The following FRS2 variants were observed in gnomAD, a reference collection of about 807,000 sequenced individuals.
The protein encoded by FRS2 is fibroblast growth factor receptor substrate 2, also known as FGFR signalling adaptor.
In FRS2, 8 loss-of-function variants were observed where a neutral mutation model predicts 43.9. The observed-to-expected ratio is 0.18, with a 90% confidence interval of 0.11 to 0.33. The LOEUF (loss-of-function observed/expected upper bound fraction) is 0.33, where lower values mean the gene tolerates loss of function less well. Among genes scored for constraint, FRS2 ranks in the 10% least tolerant of loss-of-function variants. The pLI is 1.00. For missense variants in FRS2, 534 were observed against 627.6 expected (o/e 0.85, Z 1.59); for synonymous variants, 219 against 220.3 (o/e 0.99, Z 0.05).
intron 1 of FRS2, among the ~76,000 whole-genome samples, chr12:69,522,980 C>T (rs1875840281): frequency 6.6e-6 from 1 of 152,118 alleles, no homozygotes; most frequent in Admixed American, 6.5e-5. Flanking sequence ...TTTGCATTTG[C>T]TAAGGATTGT....
Position 69,482,085 on chromosome 12 carries a change from T to G in FRS2, c.-261+11555T>G, listed in dbSNP as rs139624319. 5.5e-3 allele frequency among the ~76,000 whole-genome samples: 831 copies of G among 151,902 alleles called. 7 individuals are homozygous for G. Among genetic ancestry groups the G allele is most frequent in the Non-Finnish European group, 9.6e-3 (651 of 67,968 alleles). ...TTTCTATATATATGTGTATAATGTA[T>G]AAGTATATATAATTGTATATGTATA... On this transcript the variant is annotated intron_variant, in intron 1 of 8. Coordinates refer to ENST00000549921, the MANE Select transcript of FRS2 (RefSeq NM_001278356.2).
At chr12:69,504,098 G>A (rs1873711044) in intron 1 of FRS2, among the ~76,000 whole-genome samples, 1 of 152,208 alleles carries the variant, frequency 6.6e-6, no homozygotes, top group Non-Finnish European at 1.5e-5. Flanking sequence ...AAGGTGCTAA[G>A]TATTCAACAG....
intron 1 of FRS2, among the ~76,000 whole-genome samples, chr12:69,527,444 A>G (rs542108976): frequency 6.9e-6 from 1 of 145,478 alleles, no homozygotes; most frequent in East Asian, 2.1e-4. Flanking sequence ...TCAGCCTCCC[A>G]AGTAACTGGG....
chr12:69,568,279 ATT>A (rs1208822541), intron 4 of FRS2, among the ~76,000 whole-genome samples: 1 of 152,152 alleles, frequency 6.6e-6, no homozygotes, highest in Non-Finnish European at 1.5e-5. Context: ...TCGAAATTTG[ATT>A]TTGTTTTAAT....
rs1565792022 is a variant in FRS2 at position 69,578,171 on chromosome 12, A to G, written c.*3216A>G. ...AATTCCCCCGTGCTATTCCTAACCTATAATGCCCAAATGTTTTGTGCAATG... is the reference window on the plus strand; with the variant it reads ...AATTCCCCCGTGCTATTCCTAACCTGTAATGCCCAAATGTTTTGTGCAATG... On this transcript the variant is annotated 3_prime_UTR_variant, in exon 9 of 9. Coordinates refer to ENST00000549921, the MANE Select transcript of FRS2 (RefSeq NM_001278356.2). 1.3e-5 allele frequency: 2 copies of G among 152,626 alleles called. No individual in the cohort carries two copies. The highest frequency in any genetic ancestry group is 2.1e-4 in the South Asian group (1 of 4,834). The allele number at this position is 152,626 out of a possible 1,614,324, so 9.5% of individuals were successfully genotyped here. A position where few individuals can be genotyped will look rare whatever the true frequency, so the allele number is the denominator to read the frequency against.
chr12:69,529,620 C>G (rs1876591770), intron 1 of FRS2, among the ~76,000 whole-genome samples: 1 of 86,364 alleles, frequency 1.2e-5, no homozygotes, highest in Non-Finnish European at 2.2e-5. Flanking sequence ...GACCCTGTCT[C>G]AAAAATAAAT....
At chr12:69,531,091 A>T (rs926855500) in intron 2 of FRS2, 131 bp downstream of exon 2, 1 of 151,612 alleles carries the variant, frequency 6.6e-6, no homozygotes, top group Admixed American at 6.6e-5. Flanking sequence ...ACACTTTGGG[A>T]GGCCGAGGCA....
chr12:69,534,669 CATTCCTCCTAA>C (rs1877107092), intron 3 of FRS2, among the ~76,000 whole-genome samples: 1 of 152,176 alleles, frequency 6.6e-6, no homozygotes, highest in Non-Finnish European at 1.5e-5. Flanking sequence ...GATTATGCAT[CATTCCTCCTAA>C]TCACATGCTC....
At chr12:69,537,789 CTT>C (rs1392633834) in intron 3 of FRS2, 1 of 152,294 alleles carries the variant, frequency 6.6e-6, no homozygotes, top group Non-Finnish European at 1.5e-5. Flanking sequence ...AATAATGCCT[CTT>C]ATTTTCTCCT....
At chr12:69,496,208 G>C (rs1015823305) in intron 1 of FRS2, among the ~76,000 whole-genome samples, 1 of 152,044 alleles carries the variant, frequency 6.6e-6, no homozygotes, top group African/African-American at 2.4e-5. Flanking sequence ...AGGCCGAGGC[G>C]GGCGGATCAT....
chr12:69,565,189 A>G (rs1406034825), intron 4 of FRS2, among the ~76,000 whole-genome samples: 2 of 152,246 alleles, frequency 1.3e-5, no homozygotes, highest in African/African-American at 4.8e-5. Flanking sequence ...AATGGTAAGT[A>G]TCTGCATTTC....
intron 3 of FRS2, among the ~76,000 whole-genome samples, chr12:69,558,892 A>T (rs1163134830): frequency 6.6e-6 from 1 of 152,208 alleles, no homozygotes; most frequent in Non-Finnish European, 1.5e-5. Context: ...CAGTGTATGG[A>T]TAGGGAAATG....
chr12:69,503,014 G>A (rs1411669055), intron 1 of FRS2, among the ~76,000 whole-genome samples: 1 of 152,174 alleles, frequency 6.6e-6, no homozygotes, highest in Non-Finnish European at 1.5e-5. Flanking sequence ...GATACATGTG[G>A]CTAGATTCTC....
intron 1 of FRS2, among the ~76,000 whole-genome samples, chr12:69,516,445 G>A (rs973945771): frequency 2.6e-5 from 4 of 151,572 alleles, no homozygotes; most frequent in African/African-American, 4.8e-5. Flanking sequence ...CTTGAACTCC[G>A]GACCTCAGGT....
Position 69,470,820 on chromosome 12 carries a change from C to G in FRS2, c.-261+290C>G, listed in dbSNP as rs143129968. 5.3e-5 allele frequency among the ~76,000 whole-genome samples: 8 copies of G among 152,256 alleles called. No individual in the cohort carries two copies. The East Asian group carries it at 1.2e-3, about 22-fold the overall frequency. On this transcript the variant is annotated intron_variant, in intron 1 of 8. Transcript: ENST00000549921. ...GGCCTCTGTTCGTCCGTCCGACCCC[C>G]CTCATGTGTGCTGCCCCAAACCTCG...
intron 3 of FRS2, among the ~76,000 whole-genome samples, chr12:69,536,234 C>T (rs931005629): frequency 1.0e-4 from 15 of 146,366 alleles, no homozygotes; most frequent in Admixed American, 5.6e-4. Flanking sequence ...AAGGAATTCT[C>T]GTGCCTCAAC....
At position 69,514,918 on chromosome 12, in the gene FRS2, G is replaced by A. The variant is rs190569663; in HGVS notation, c.-260-15947G>A. ...CTTCTGAAATCATATGGCAGGAGAA[G>A]TTCAAGCAGACAAAAAGAATAATAG... On this transcript the variant is annotated intron_variant, in intron 1 of 8. Transcript: ENST00000549921. Among the ~76,000 whole-genome samples the A allele has an allele frequency of 3.3e-5, 5 of 152,188 alleles. No individual in the cohort carries two copies. The East Asian group carries it at 9.7e-4, about 29-fold the overall frequency.
At position 69,470,403 on chromosome 12, in the gene FRS2, A is replaced by C; in HGVS notation, c.-388A>C. ...AGTGCTTTTCCAAGATTCGGGCCGG[A>C]GAGAGGCCTTGTAGGCACAGCGGCT... On this transcript the variant is annotated 5_prime_UTR_variant, in exon 1 of 9. Coordinates refer to ENST00000549921, the MANE Select transcript of FRS2 (RefSeq NM_001278356.2). The C allele has an allele frequency of 7.5e-6, 3 of 398,600 alleles. No individual in the cohort carries two copies. The highest frequency in any genetic ancestry group is 1.3e-5 in the Non-Finnish European group (3 of 226,178). 24.7% of individuals were successfully genotyped at this position (398,600 alleles called of 1,614,324 possible). A position where few individuals can be genotyped will look rare whatever the true frequency, so the allele number is the denominator to read the frequency against.
chr12:69,560,272 C>T (rs12367127), intron 3 of FRS2, among the ~76,000 whole-genome samples: 27,682 of 152,020 alleles, frequency 0.18, 2,784 homozygotes, highest in Middle Eastern at 0.29. Flanking sequence ...TATTAATTTT[C>T]GAAATATCTT....
Sources: allele counts gnomAD v4.1 joint callset (sites outside exome capture counted in the v4.1 genomes callset), GRCh38; gene constraint gnomAD v4.1.1; transcripts MANE v1.5; gene names NCBI Gene and HGNC (gene_info 2026-07-23, HGNC 2026-07-21).